HCN1: variants seen among roughly 807,000 people sequenced by gnomAD.
The protein encoded by HCN1 is hyperpolarization activated cyclic nucleotide gated potassium channel 1.
HCN1 carries 13 observed loss-of-function variants against 78.9 expected under a neutral mutation model. That is an observed-to-expected ratio of 0.16 (90% CI 0.11 to 0.26). HCN1 has a LOEUF of 0.26. HCN1 is among the 10% of genes least tolerant of loss of function. HCN1 has a pLI of 1.00. For synonymous variants in HCN1, 552 were observed against 455.5 expected (o/e 1.21, Z -2.70); for missense variants, 810 against 1,154.3 (o/e 0.70, Z 4.32).
intron 2 of HCN1, among the ~76,000 whole-genome samples, chr5:45,514,007 G>T (rs1262272228): frequency 6.6e-6 from 1 of 152,088 alleles, no homozygotes; most frequent in Non-Finnish European, 1.5e-5. Flanking sequence ...TATTTTCTTT[G>T]CTGATAAGTT....
chr5:45,371,196 A>G (rs905432539), intron 4 of HCN1, among the ~76,000 whole-genome samples: 4 of 152,042 alleles, frequency 2.6e-5, no homozygotes, highest in African/African-American at 9.7e-5. Flanking sequence ...CAAATTAATA[A>G]CCTAAAATCA....
chr5:45,378,636 A>T (rs906188303), intron 4 of HCN1, among the ~76,000 whole-genome samples: 2 of 152,070 alleles, frequency 1.3e-5, no homozygotes, highest in African/African-American at 2.4e-5. Flanking sequence ...TTTTTTAAAA[A>T]TTATACTTTA....
chr5:45,453,741 T>C (rs547108933), intron 3 of HCN1, among the ~76,000 whole-genome samples: 57 of 152,256 alleles, frequency 3.7e-4, no homozygotes, highest in African/African-American at 1.3e-3. Context: ...ATGGTAAATG[T>C]ATTTTTACTC....
At chr5:45,585,802 T>C (rs1035417811) in intron 2 of HCN1, among the ~76,000 whole-genome samples, 5 of 152,178 alleles carry the variant, frequency 3.3e-5, no homozygotes, top group African/African-American at 1.2e-4. Context: ...CCAGACCCTG[T>C]TTGCCTGGGT....
At chr5:45,390,550 A>G (rs1026369481) in intron 4 of HCN1, among the ~76,000 whole-genome samples, 1 of 152,204 alleles carries the variant, frequency 6.6e-6, no homozygotes, top group South Asian at 2.1e-4. Context: ...GTATGGAGAA[A>G]TCTTTAGCAC....
chr5:45,672,050 GGAAA>G (rs1052643789), intron 1 of HCN1, among the ~76,000 whole-genome samples: 2 of 151,496 alleles, frequency 1.3e-5, no homozygotes, highest in East Asian at 1.9e-4. Context: ...GTGGCAGAGA[GGAAA>G]GAAAGAGAGA....
At chr5:45,528,468 G>A (rs1057167258) in intron 2 of HCN1, among the ~76,000 whole-genome samples, 6 of 151,738 alleles carry the variant, frequency 4.0e-5, no homozygotes, top group South Asian at 2.1e-4. Flanking sequence ...GATTAATATC[G>A]CTTCTGACAA....
intron 1 of HCN1, among the ~76,000 whole-genome samples, chr5:45,659,083 C>A (rs1218881853): frequency 1.3e-5 from 2 of 152,144 alleles, no homozygotes; most frequent in Admixed American, 6.5e-5. Context: ...ACCAGTGGTT[C>A]TCCCAGCACG....
At chr5:45,376,757 G>T (rs1414320960) in intron 4 of HCN1, among the ~76,000 whole-genome samples, 4 of 151,978 alleles carry the variant, frequency 2.6e-5, no homozygotes, top group Middle Eastern at 6.8e-3. Context: ...GTGTCACTGG[G>T]ATTCTGAACC....
At chr5:45,595,469 C>A (rs1744471416) in intron 2 of HCN1, among the ~76,000 whole-genome samples, 1 of 152,122 alleles carries the variant, frequency 6.6e-6, no homozygotes, top group South Asian at 2.1e-4. Context: ...TCCTGAGTAG[C>A]TGGAATTACA....
intron 1 of HCN1, among the ~76,000 whole-genome samples, chr5:45,680,966 C>G (rs1166691569): frequency 6.6e-6 from 1 of 151,872 alleles, no homozygotes; most frequent in Non-Finnish European, 1.5e-5. Context: ...TTGCTATTAC[C>G]CTGGTAGTCT....
chr5:45,544,975 G>C (rs1198271716), intron 2 of HCN1, among the ~76,000 whole-genome samples: 1 of 152,050 alleles, frequency 6.6e-6, no homozygotes, highest in African/African-American at 2.4e-5. Context: ...GTAATGGGAT[G>C]GCTGGGTCAA....
intron 2 of HCN1, among the ~76,000 whole-genome samples, chr5:45,595,486 T>C (rs1388379275): frequency 6.6e-6 from 1 of 152,118 alleles, no homozygotes; most frequent in East Asian, 1.9e-4. Flanking sequence ...TACAGGTGCA[T>C]GCCACCACAT....
intron 3 of HCN1, among the ~76,000 whole-genome samples, chr5:45,441,380 C>T (rs1257387396): frequency 1.7e-5 from 2 of 117,942 alleles, no homozygotes; most frequent in South Asian, 2.8e-4. Flanking sequence ...AAAGAAGGAG[C>T]GAGAGAAGGA....
At chr5:45,596,548 G>C (rs908106576) in intron 2 of HCN1, among the ~76,000 whole-genome samples, 1 of 152,200 alleles carries the variant, frequency 6.6e-6, no homozygotes, top group Non-Finnish European at 1.5e-5. Flanking sequence ...AACACACAGG[G>C]GCAAGCAGCA....
intron 5 of HCN1, among the ~76,000 whole-genome samples, chr5:45,332,855 G>C (rs779502741): frequency 2.6e-5 from 4 of 151,500 alleles, no homozygotes; most frequent in Non-Finnish European, 5.9e-5. Context: ...AATTCATTTT[G>C]TATAAGTATC....
At chr5:45,667,970 G>T (rs1232370332) in intron 1 of HCN1, among the ~76,000 whole-genome samples, 2 of 151,920 alleles carry the variant, frequency 1.3e-5, no homozygotes, top group Non-Finnish European at 2.9e-5. Context: ...AATGGTATGT[G>T]ACTTGGCCAA....
chr5:45,635,512 T>C (rs2112017631), intron 2 of HCN1, among the ~76,000 whole-genome samples: 1 of 152,230 alleles, frequency 6.6e-6, no homozygotes. Context: ...TCTGGAGCCC[T>C]GGGACCAGTC....
At chr5:45,531,095 G>GA (rs933575731) in intron 2 of HCN1, among the ~76,000 whole-genome samples, 4 of 150,850 alleles carry the variant, frequency 2.7e-5, no homozygotes, top group African/African-American at 4.9e-5. Flanking sequence ...ATCATCACAT[G>GA]AAAAAAACAG....
Sources: allele counts gnomAD v4.1 joint callset (sites outside exome capture counted in the v4.1 genomes callset), GRCh38; gene constraint gnomAD v4.1.1; transcripts MANE v1.5; gene names NCBI Gene and HGNC (gene_info 2026-07-23, HGNC 2026-07-21).